The following STAT4 variants were observed in gnomAD, a reference collection of about 807,000 sequenced individuals.
The protein encoded by STAT4 is signal transducer and activator of transcription 4.
STAT4 carries 42 observed loss-of-function variants against 110.5 expected under a neutral mutation model. The ratio of observed to expected loss-of-function variants is 0.38; its 90% CI spans 0.30 to 0.49. The LOEUF (loss-of-function observed/expected upper bound fraction) is 0.49. STAT4 is among the 20% of genes least tolerant of loss of function. The pLI, the probability that STAT4 is intolerant of heterozygous loss-of-function variation, is 0.95. For synonymous variants in STAT4, 284 were observed against 302.2 expected (o/e 0.94, Z 0.63); for missense variants, 632 against 887.9 (o/e 0.71, Z 3.66).
intron 6 of STAT4, among the ~76,000 whole-genome samples, chr2:191,067,488 C>T (rs969037649): frequency 6.6e-6 from 1 of 152,166 alleles, no homozygotes; most frequent in Non-Finnish European, 1.5e-5. Context: ...GCCCAAACTT[C>T]GTCCCAAACC....
At chr2:191,080,453 G>GCAATGC (rs937839467) in intron 3 of STAT4, among the ~76,000 whole-genome samples, 5 of 152,084 alleles carry the variant, frequency 3.3e-5, no homozygotes, top group African/African-American at 9.7e-5. Context: ...AAGCATGACA[G>GCAATGC]CAATGCATAT....
Position 191,032,670 on chromosome 2 carries a change from A to T in STAT4, c.2044+288T>A, listed in dbSNP as rs1366429747. Among the ~76,000 whole-genome samples, 2 of 152,102 alleles carry T rather than the reference A, an allele frequency of 1.3e-5. No homozygotes were observed. Among genetic ancestry groups the T allele is most frequent in the Admixed American group, 1.3e-4 (2 of 15,268 alleles). ...ATGAAGCCTGCACCACTTCTGTCTTACAAAGGAGAAAACTGAAGCTCTCCA... is the reference window on the plus strand; with the variant it reads ...ATGAAGCCTGCACCACTTCTGTCTTTCAAAGGAGAAAACTGAAGCTCTCCA... On this transcript the variant is annotated intron_variant, in intron 21 of 23. Transcript: ENST00000392320. The surrounding 1 kb of genome is among the most constrained non-coding windows in gnomAD (Gnocchi z 4.9).
At chr2:191,041,016 A>G (rs899518647) in intron 15 of STAT4, 49 bp downstream of exon 15, 4 of 1,258,816 alleles carry the variant, frequency 3.2e-6, no homozygotes, top group Admixed American at 2.9e-5. Context: ...ATGCTGACCA[A>G]TTCTTGCAAA....
At position 191,077,217 on chromosome 2, in the gene STAT4, C is replaced by CTG. The variant is rs1181323857; in HGVS notation, c.274-893_274-892insCA. 6.6e-6 allele frequency among the ~76,000 whole-genome samples: 1 copy of CTG among 152,158 alleles called. No homozygotes were observed. Among genetic ancestry groups the CTG allele is most frequent in the African/African-American group, 2.4e-5 (1 of 41,442 alleles). ...TAATTCAGCCATCAGTTACTTGGTG[C>CTG]AAATTAAAATACTGGAATCCCTTTG... On this transcript the variant is annotated intron_variant, in intron 3 of 23. Coordinates refer to ENST00000392320, the MANE Select transcript of STAT4 (RefSeq NM_003151.4). This position sits in a 1 kb window ranked among gnomAD's most constrained non-coding sequence, Gnocchi z 4.1.
In STAT4 at chr2:191,150,747, CG is replaced by C. The variant is rs1207525593; in HGVS notation, c.-2+199del. 2.0e-5 allele frequency among the ~76,000 whole-genome samples: 3 copies of C among 152,316 alleles called. No homozygotes were observed. Among genetic ancestry groups the C allele is most frequent in the African/African-American group, 7.2e-5 (3 of 41,592 alleles). On this transcript the variant is annotated intron_variant, in intron 1 of 23. Coordinates refer to ENST00000392320, the MANE Select transcript of STAT4 (RefSeq NM_003151.4). This position sits in a 1 kb window ranked among gnomAD's most constrained non-coding sequence, Gnocchi z 6.4. ...GGCACCGTGGCGCGGGCCTGCGGAG[CG>C]GTTTCCGCGGAGAACCCGTGCCAGG...
At chr2:191,047,721 A>T (rs1221126632) in intron 14 of STAT4, among the ~76,000 whole-genome samples, 1 of 152,150 alleles carries the variant, frequency 6.6e-6, no homozygotes, top group Non-Finnish European at 1.5e-5. Flanking sequence ...GCAGGAGTGC[A>T]GTGGCATGAT....
At position 191,061,876 on chromosome 2, in the gene STAT4, T is replaced by A; in HGVS notation, c.942-55A>T. 1 of 1,531,596 alleles carries A rather than the reference T, an allele frequency of 6.5e-7. No homozygotes were observed. The highest frequency in any genetic ancestry group is 9.0e-7 in the Non-Finnish European group (1 of 1,110,848). 94.9% of individuals were successfully genotyped at this position (1,531,596 alleles called of 1,614,324 possible). Reference sequence around the variant, plus strand: ...TTGAAAACACTGAAAATATTGAGACTGAAAACCACAGAGGAACAGGATGCT... The same window carrying A: ...TTGAAAACACTGAAAATATTGAGACAGAAAACCACAGAGGAACAGGATGCT... On this transcript the variant is annotated intron_variant, in intron 9 of 23. Coordinates refer to ENST00000392320, the MANE Select transcript of STAT4 (RefSeq NM_003151.4). The surrounding 1 kb of genome is among the most constrained non-coding windows in gnomAD (Gnocchi z 6.2).
At position 191,110,441 on chromosome 2, in the gene STAT4, CT is replaced by C. The variant is rs1235273963; in HGVS notation, c.274-34117del. The stretch of plus-strand genomic sequence containing the variant: ...ATCTCATTCAAAGCCTACTGTAGCC[CT>C]AAGATAGCTATTATTCCTATTTTAC... On this transcript the variant is annotated intron_variant, in intron 3 of 23. Transcript: ENST00000392320. This position sits in a 1 kb window ranked among gnomAD's most constrained non-coding sequence, Gnocchi z 4.5. 6.6e-6 allele frequency among the ~76,000 whole-genome samples: 1 copy of C among 152,102 alleles called. No individual in the cohort carries two copies.
In STAT4 at chr2:191,034,572, G is replaced by A. The variant is rs147850919; in HGVS notation, c.1596C>T (p.His532=). ...LTVQSSYSDG[H]LTWAKFCKEH... is the part of the protein sequence containing the mutation. Reference sequence around the variant, plus strand: ...CCTTGCAGAACTTGGCCCAGGTGAGGTGACCATCACTGTAGCTAGATTGGA... The same window carrying A: ...CCTTGCAGAACTTGGCCCAGGTGAGATGACCATCACTGTAGCTAGATTGGA... The change falls in exon 18 of 24, where the codon CAC becomes CAT. Residue 532 remains histidine, a synonymous_variant. Coordinates refer to ENST00000392320, the MANE Select transcript of STAT4 (RefSeq NM_003151.4). 103 of 1,613,744 alleles carry A rather than the reference G, an allele frequency of 6.4e-5. No individual in the cohort carries two copies. The African/African-American group carries it at 1.2e-3, about 19-fold the overall frequency.
At chr2:191,079,814 A>G (rs1022344601) in intron 3 of STAT4, among the ~76,000 whole-genome samples, 2 of 152,114 alleles carry the variant, frequency 1.3e-5, no homozygotes, top group Non-Finnish European at 2.9e-5. Context: ...AATGACTTCA[A>G]TCATTTTAAA....
Position 191,117,342 on chromosome 2 carries a change from G to A in STAT4, c.273+29271C>T, listed in dbSNP as rs141582803. On this transcript the variant is annotated intron_variant, in intron 3 of 23. Coordinates refer to ENST00000392320, the MANE Select transcript of STAT4 (RefSeq NM_003151.4). This position sits in a 1 kb window ranked among gnomAD's most constrained non-coding sequence, Gnocchi z 5.2. ...GGCTGTTCTGACTTCAAATTTCAAA[G>A]ACTTGCCATTGCATCTAATTTAGTG... 2.4e-4 allele frequency among the ~76,000 whole-genome samples: 36 copies of A among 152,278 alleles called. No individual in the cohort carries two copies. In the East Asian group the frequency reaches 4.8e-3, roughly 20 times the overall value.
chr2:191,047,728 TGATC>T (rs1696388849), intron 14 of STAT4, among the ~76,000 whole-genome samples: 1 of 152,180 alleles, frequency 6.6e-6, no homozygotes, highest in Non-Finnish European at 1.5e-5. Context: ...TGCAGTGGCA[TGATC>T]TTGGCTCACT....
At chr2:191,101,663 T>C (rs1454140554) in intron 3 of STAT4, among the ~76,000 whole-genome samples, 2 of 152,142 alleles carry the variant, frequency 1.3e-5, no homozygotes, top group Admixed American at 1.3e-4. Flanking sequence ...AACTGAGAAA[T>C]GTGTTAAAGT....
At chr2:191,131,603 T>G (rs1329801683) in intron 3 of STAT4, 7 of 444,246 alleles carry the variant, frequency 1.6e-5, no homozygotes, top group Non-Finnish European at 3.6e-6. Context: ...GGGTCAGTGG[T>G]TGCTCCAGGC....
chr2:191,106,242 G>A (rs1247670175), intron 3 of STAT4, among the ~76,000 whole-genome samples: 4 of 152,060 alleles, frequency 2.6e-5, no homozygotes, highest in Non-Finnish European at 5.9e-5. Context: ...TCTCATTTGT[G>A]CTTTTGTGGC....
chr2:191,146,642 T>C lies in STAT4; in HGVS notation c.244A>G (p.Asn82Asp). ...SKEKNLLLIH[N>D]LKRIRKVLQG... ...AGGACCTTCCTAATTCTTTTTAGAT[T>C]GTGTATCAAGAGTAGGTTTTTCTCT... The change falls in exon 3 of 24, where the codon AAT becomes GAT. Residue 82 changes from asparagine (N) to aspartate (D), a missense_variant. Coordinates refer to ENST00000392320, the MANE Select transcript of STAT4 (RefSeq NM_003151.4). This position sits in a 1 kb window ranked among gnomAD's most constrained non-coding sequence, Gnocchi z 4.5. 1.3e-6 allele frequency: 2 copies of C among 1,573,004 alleles called. No individual in the cohort carries two copies.
upstream of STAT4, chr2:191,151,202 C>T (rs2278940): frequency 0.077 from 75,413 of 985,528 alleles, 3,034 homozygotes; most frequent in East Asian, 0.18. The surrounding 1 kb of genome is among the most constrained non-coding windows in gnomAD (Gnocchi z 4.7). Context: ...CGTCCTCTTC[C>T]CTCTTATCCC....
chr2:191,125,240 A>T (rs1197798043), intron 3 of STAT4, among the ~76,000 whole-genome samples: 1 of 152,140 alleles, frequency 6.6e-6, no homozygotes, highest in Non-Finnish European at 1.5e-5. Context: ...GAGGTCACAG[A>T]TTAAACGATA....
Position 191,029,896 on chromosome 2 carries a change from G to A in STAT4, c.2221-30C>T. 6.5e-7 allele frequency: 1 copy of A among 1,528,812 alleles called. No homozygotes were observed. The highest frequency in any genetic ancestry group is 8.9e-7 in the Non-Finnish European group (1 of 1,119,280). The allele number at this position is 1,528,812 out of a possible 1,614,324, so 94.7% of individuals were successfully genotyped here. A position where few individuals can be genotyped will look rare whatever the true frequency, so the allele number is the denominator to read the frequency against. On this transcript the variant is annotated intron_variant, in intron 23 of 23. Transcript: ENST00000392320. The surrounding 1 kb of genome is among the most constrained non-coding windows in gnomAD (Gnocchi z 4.5). Reference sequence around the variant, plus strand: ...AATTAAAAATGAAAATAATCTTTGAGGAAACTACTGGTTTTCAAATCAATC... The same window carrying A: ...AATTAAAAATGAAAATAATCTTTGAAGAAACTACTGGTTTTCAAATCAATC...
Sources: gnomAD v4.1 joint callset for allele counts (sites outside exome capture counted in the v4.1 genomes callset) on GRCh38, gnomAD v4.1.1 for gene constraint, Gnocchi (gnomAD v3.1) non-coding constraint, MANE v1.5 for transcripts, NCBI Gene and HGNC (gene_info 2026-07-23, HGNC 2026-07-21) for gene names.